The following TRMT11 variants were observed in gnomAD, a reference collection of about 807,000 sequenced individuals.
The protein encoded by TRMT11 is tRNA methyltransferase 11.
Under a neutral mutation model 62.8 loss-of-function variants are expected in TRMT11, and 53 were observed. The observed-to-expected ratio is 0.84, with a 90% confidence interval of 0.68 to 1.06. The LOEUF (loss-of-function observed/expected upper bound fraction) is 1.06, where lower values mean the gene tolerates loss of function less well. TRMT11 is among the 50% of genes least tolerant of loss of function. TRMT11 has a pLI of 0.00. For missense variants in TRMT11, 556 were observed against 553.4 expected (o/e 1.00, Z -0.05); for synonymous variants, 188 against 190.3 (o/e 0.99, Z 0.10).
At position 126,136,746 on chromosome 6, in the gene TRMT11, A is replaced by G. The variant is rs548860001; in HGVS notation, c.*1823+20891A>G. Among the ~76,000 whole-genome samples the G allele has an allele frequency of 1.5e-4, 23 of 151,982 alleles. 1 individual carries two copies. The highest frequency in any genetic ancestry group is 9.7e-4 in the East Asian group (5 of 5,164). Reference sequence around the variant, plus strand: ...TGATTTCAAATTACATGACAAAACTATAATAAACATAACAGCATAGTACTG... The same window carrying G: ...TGATTTCAAATTACATGACAAAACTGTAATAAACATAACAGCATAGTACTG... On this transcript the variant is annotated intron_variant and NMD_transcript_variant, in intron 21 of 22. Coordinates refer to the TRMT11 transcript ENST00000648977.
At chr6:126,159,085 T>C (rs1403989649) in intron 21 of TRMT11, among the ~76,000 whole-genome samples, 1 of 151,920 alleles carries the variant, frequency 6.6e-6, no homozygotes, top group Non-Finnish European at 1.5e-5. Context: ...CTTCTAAATG[T>C]CTGTTTTCTC....
In TRMT11 at chr6:125,995,868, A is replaced by G. The variant is rs978936584; in HGVS notation, c.139-99A>G. ...GTCAGATCAGATATTCTTACATGAA[A>G]GTAGCAAATAGGCACTTCTCCTTAT... On this transcript the variant is annotated intron_variant, in intron 2 of 12. Transcript: ENST00000334379. 42 of 735,542 alleles carry G rather than the reference A, an allele frequency of 5.7e-5. No homozygotes were observed. In the South Asian group the frequency reaches 6.3e-4, roughly 11 times the overall value. The allele number at this position is 735,542 out of a possible 1,614,324, so 45.6% of individuals were successfully genotyped here. A position where few individuals can be genotyped will look rare whatever the true frequency, so the allele number is the denominator to read the frequency against.
chr6:126,162,769 G>A (rs1021606640), intron 21 of TRMT11, among the ~76,000 whole-genome samples: 4 of 152,064 alleles, frequency 2.6e-5, no homozygotes, highest in African/African-American at 9.7e-5. Context: ...CCTTGAAGAG[G>A]TCCTTCACAT....
At chr6:126,207,756 T>C (rs1778803356), downstream of TRMT11, among the ~76,000 whole-genome samples, 1 of 152,190 alleles carries the variant, frequency 6.6e-6, no homozygotes, top group South Asian at 2.1e-4. Flanking sequence ...TGCCAGCAAG[T>C]GCATTATGCA....
chr6:126,271,159 T>G, the TRMT11 span, among the ~76,000 whole-genome samples: 5 of 151,176 alleles, frequency 3.3e-5, no homozygotes, highest in African/African-American at 1.2e-4. Flanking sequence ...AGGCCAGGAG[T>G]TCGAGACCAG....
At chr6:126,146,317 C>G (rs903650974) in intron 21 of TRMT11, among the ~76,000 whole-genome samples, 2 of 152,154 alleles carry the variant, frequency 1.3e-5, no homozygotes, top group African/African-American at 4.8e-5. Context: ...ACTGAGTATC[C>G]TCATCATGAG....
intron 17 of TRMT11, among the ~76,000 whole-genome samples, chr6:126,095,626 T>A (rs913747656): frequency 6.6e-6 from 1 of 152,188 alleles, no homozygotes; most frequent in African/African-American, 2.4e-5. Context: ...AGAAATGTGG[T>A]CCTCGTCCTT....
chr6:126,144,169 G>A (rs116116102), intron 21 of TRMT11, among the ~76,000 whole-genome samples: 12 of 152,148 alleles, frequency 7.9e-5, no homozygotes, highest in Admixed American at 1.3e-4. Flanking sequence ...CAATTGTTCC[G>A]TTTTGTAAAG....
chr6:126,129,603 G>A (rs71563696), intron 21 of TRMT11, among the ~76,000 whole-genome samples: 21 of 151,886 alleles, frequency 1.4e-4, no homozygotes, highest in Non-Finnish European at 2.9e-4. Flanking sequence ...GCTCACTGCA[G>A]CCTTGATATC....
At chr6:126,015,848 A>G (rs1794916181) in intron 11 of TRMT11, among the ~76,000 whole-genome samples, 1 of 151,866 alleles carries the variant, frequency 6.6e-6, no homozygotes, top group Non-Finnish European at 1.5e-5. Flanking sequence ...CTGAGTGTTG[A>G]CTCTCAACCG....
At chr6:125,995,142 TGAAGAAA>T (rs574934902) in intron 2 of TRMT11, among the ~76,000 whole-genome samples, 38 of 152,088 alleles carry the variant, frequency 2.5e-4, no homozygotes, top group Middle Eastern at 6.8e-3. Context: ...ACTTAAAAGT[TGAAGAAA>T]AAAGAAAAAA....
chr6:126,151,870 C>CCTTGTCTT, intron 21 of TRMT11, among the ~76,000 whole-genome samples: 2 of 99,426 alleles, frequency 2.0e-5, no homozygotes, highest in Admixed American at 1.1e-4. Context: ...TTCTTTCCTT[C>CCTTGTCTT]TTTCTCCTTC....
intron 7 of TRMT11, among the ~76,000 whole-genome samples, chr6:126,007,289 GA>G (rs747265533): frequency 2.0e-4 from 30 of 151,908 alleles, no homozygotes; most frequent in Non-Finnish European, 3.5e-4. Flanking sequence ...AATGGCTATG[GA>G]AGGAACATCA....
intron 12 of TRMT11, among the ~76,000 whole-genome samples, chr6:126,029,679 C>G (rs1226334261): frequency 6.6e-6 from 1 of 152,068 alleles, no homozygotes; most frequent in Non-Finnish European, 1.5e-5. Flanking sequence ...TATTGCTACT[C>G]AAGAAGGTGT....
chr6:126,002,033 C>G (rs1460520052), intron 7 of TRMT11, among the ~76,000 whole-genome samples: 1 of 152,032 alleles, frequency 6.6e-6, no homozygotes, highest in Non-Finnish European at 1.5e-5. Flanking sequence ...TGACATGTTC[C>G]TATCCTTTTT....
chr6:126,052,382 C>T (rs1205931312), intron 16 of TRMT11, among the ~76,000 whole-genome samples: 6 of 152,176 alleles, frequency 3.9e-5, no homozygotes, highest in Admixed American at 6.5e-5. Context: ...ATTAAAAATA[C>T]TTCCCCTTCC....
At chr6:126,232,133 G>A in the TRMT11 span, among the ~76,000 whole-genome samples, 3 of 151,844 alleles carry the variant, frequency 2.0e-5, no homozygotes, top group African/African-American at 7.3e-5. Context: ...ATGTATTACT[G>A]AGAGACATTT....
chr6:126,214,487 ATTCAT>A, the TRMT11 span, among the ~76,000 whole-genome samples: 2 of 151,882 alleles, frequency 1.3e-5, no homozygotes, highest in Admixed American at 6.6e-5. Context: ...CTAGCACTTT[ATTCAT>A]TTCTTCTAGT....
intron 17 of TRMT11, among the ~76,000 whole-genome samples, chr6:126,086,046 A>G (rs1469514685): frequency 6.6e-6 from 1 of 152,208 alleles, no homozygotes; most frequent in African/African-American, 2.4e-5. Context: ...TCAGAGGTCT[A>G]TGGTTTTAAC....
Sources: gnomAD v4.1 joint callset for allele counts (sites outside exome capture counted in the v4.1 genomes callset) on GRCh38, gnomAD v4.1.1 for gene constraint, MANE v1.5 for transcripts, NCBI Gene and HGNC (gene_info 2026-07-23, HGNC 2026-07-21) for gene names.